SDK1: variants seen among roughly 807,000 people sequenced by gnomAD.
The protein encoded by SDK1 is protein sidekick-1.
SDK1 carries 157 observed loss-of-function variants against 245.5 expected under a neutral mutation model. That is an observed-to-expected ratio of 0.64 (90% CI 0.56 to 0.73). The LOEUF (loss-of-function observed/expected upper bound fraction) is 0.73. SDK1 is among the 30% of genes least tolerant of loss of function. The pLI, the probability that SDK1 is intolerant of heterozygous loss-of-function variation, is 0.00. For missense variants in SDK1, 3,583 were observed against 3,002.3 expected (o/e 1.19, Z -4.52); for synonymous variants, 1,647 against 1,278.5 (o/e 1.29, Z -6.15).
intron 14 of SDK1, among the ~76,000 whole-genome samples, chr7:4,000,747 C>A (rs572293397): frequency 4.6e-5 from 7 of 152,350 alleles, no homozygotes; most frequent in Non-Finnish European, 1.5e-5. Flanking sequence ...GTCTTTGAAA[C>A]ACACCTCACA....
chr7:3,958,114 T>C (rs994126441), intron 7 of SDK1: 6 of 413,358 alleles, frequency 1.5e-5, no homozygotes, highest in African/African-American at 6.3e-5. Flanking sequence ...AACACAATTA[T>C]AATGAAAGTA....
In SDK1 at chr7:4,076,204, T is replaced by C. The variant is rs77477578; in HGVS notation, c.3011-794T>C. 3.3e-3 allele frequency among the ~76,000 whole-genome samples: 507 copies of C among 152,324 alleles called. 3 individuals are homozygous for C. Among genetic ancestry groups the C allele is most frequent in the South Asian group, 0.031 (148 of 4,828 alleles). On this transcript the variant is annotated intron_variant, in intron 20 of 44. Coordinates refer to ENST00000404826, the MANE Select transcript of SDK1 (RefSeq NM_152744.4). Reference sequence around the variant, plus strand: ...GAAGGAAAAAGTAGAAGTGTTTCCATGAATTAGTTGCAACCGAAGAGCAAG... The same window carrying C: ...GAAGGAAAAAGTAGAAGTGTTTCCACGAATTAGTTGCAACCGAAGAGCAAG...
chr7:4,013,118 C>A (rs1361295308), intron 16 of SDK1, among the ~76,000 whole-genome samples: 13 of 152,186 alleles, frequency 8.5e-5, no homozygotes, highest in South Asian at 2.1e-4. Context: ...CTAACACACA[C>A]TTCTGCAGGC....
chr7:4,218,388 G>A (rs1262819490), intron 38 of SDK1, among the ~76,000 whole-genome samples: 7 of 150,518 alleles, frequency 4.7e-5, no homozygotes, highest in African/African-American at 1.5e-4. Context: ...GCGAGACTCC[G>A]TCTCAAAAAA....
rs139548387 is a variant in SDK1 at position 4,266,154 on chromosome 7, G to A, written c.*770G>A. ...CACCACGCTGGCCCTCTCCTTCCCC[G>A]AACACAGCACACGGTCAACTCCGCG... On this transcript the variant is annotated 3_prime_UTR_variant, in exon 45 of 45. Coordinates refer to ENST00000404826, the MANE Select transcript of SDK1 (RefSeq NM_152744.4). 19,557 of 985,458 alleles carry A rather than the reference G, an allele frequency of 0.02. 328 individuals carry two copies. Among genetic ancestry groups the A allele is most frequent in the South Asian group, 0.11 (2,304 of 21,282 alleles). 61.0% of individuals were successfully genotyped at this position (985,458 alleles called of 1,614,324 possible). A position where few individuals can be genotyped will look rare whatever the true frequency, so the allele number is the denominator to read the frequency against.
chr7:3,366,226 T>A (rs981822449), intron 1 of SDK1, among the ~76,000 whole-genome samples: 1 of 152,208 alleles, frequency 6.6e-6, no homozygotes, highest in African/African-American at 2.4e-5. Context: ...TTCTCTGTTT[T>A]CATTCTTCCC....
At chr7:4,119,533 T>C (rs2128193803) in intron 25 of SDK1, among the ~76,000 whole-genome samples, 1 of 148,794 alleles carries the variant, frequency 6.7e-6, no homozygotes, top group South Asian at 2.2e-4. Context: ...GTGTGTAATA[T>C]CTTCTTACCC....
At chr7:4,048,606 C>A (rs1789201850) in intron 17 of SDK1, among the ~76,000 whole-genome samples, 2 of 152,208 alleles carry the variant, frequency 1.3e-5, no homozygotes, top group South Asian at 2.1e-4. Context: ...CCCTCACAGG[C>A]CACCCTTCCT....
At chr7:3,613,881 C>G (rs981018107) in intron 1 of SDK1, among the ~76,000 whole-genome samples, 5 of 152,116 alleles carry the variant, frequency 3.3e-5, no homozygotes. Context: ...AACAGAAAAC[C>G]AAATACCACA....
intron 4 of SDK1, among the ~76,000 whole-genome samples, chr7:3,725,999 A>C (rs1334351544): frequency 6.6e-6 from 1 of 152,234 alleles, no homozygotes; most frequent in Non-Finnish European, 1.5e-5. Flanking sequence ...GACACTATTA[A>C]AATTCTTTAG....
intron 1 of SDK1, among the ~76,000 whole-genome samples, chr7:3,376,255 T>G (rs1405930774): frequency 6.6e-6 from 1 of 152,168 alleles, no homozygotes; most frequent in Admixed American, 6.5e-5. Flanking sequence ...ATGGAACCGT[T>G]AATTTATTAT....
chr7:3,512,870 C>T (rs1256720395), intron 1 of SDK1, among the ~76,000 whole-genome samples: 1 of 151,896 alleles, frequency 6.6e-6, no homozygotes, highest in Non-Finnish European at 1.5e-5. Flanking sequence ...TGCATTATGT[C>T]ATTGTAACAG....
At chr7:4,055,730 GTTGAAGACCTTTCC>G (rs1414134893) in intron 19 of SDK1, among the ~76,000 whole-genome samples, 3 of 151,878 alleles carry the variant, frequency 2.0e-5, no homozygotes, top group Non-Finnish European at 4.4e-5. Flanking sequence ...TTGGTTATTG[GTTGAAGACCTTTCC>G]TTGTTTCCAG....
intron 1 of SDK1, among the ~76,000 whole-genome samples, chr7:3,465,594 C>G (rs1260242775): frequency 1.3e-5 from 2 of 152,066 alleles, no homozygotes; most frequent in African/African-American, 4.8e-5. Context: ...TGGGTGGGAT[C>G]AAGTCCCCTG....
At chr7:3,430,936 T>C (rs1304325788) in intron 1 of SDK1, among the ~76,000 whole-genome samples, 1 of 152,242 alleles carries the variant, frequency 6.6e-6, no homozygotes, top group Non-Finnish European at 1.5e-5. Context: ...AATCTCGCTC[T>C]GTTGCTCAGG....
chr7:4,191,025 C>T (rs1035314370), intron 35 of SDK1, among the ~76,000 whole-genome samples: 1 of 152,196 alleles, frequency 6.6e-6, no homozygotes, highest in Admixed American at 6.5e-5. Flanking sequence ...GCTGGGGTGA[C>T]CCTTGTGAAA....
chr7:3,789,291 G>A (rs538438099), intron 4 of SDK1, among the ~76,000 whole-genome samples: 9 of 152,104 alleles, frequency 5.9e-5, no homozygotes, highest in Non-Finnish European at 1.0e-4. Flanking sequence ...GGGATTCCAG[G>A]CATGCGCCAC....
chr7:3,486,397 G>T (rs1055074585), intron 1 of SDK1, among the ~76,000 whole-genome samples: 1 of 151,664 alleles, frequency 6.6e-6, no homozygotes, highest in African/African-American at 2.4e-5. Flanking sequence ...TTTTTGTTTG[G>T]TTTTCTAATT....
At chr7:3,336,180 A>C (rs1042108043) in intron 1 of SDK1, among the ~76,000 whole-genome samples, 49 of 152,206 alleles carry the variant, frequency 3.2e-4, no homozygotes, top group Non-Finnish European at 4.6e-4. Flanking sequence ...TAAACCAAGG[A>C]AACTGCCCTC....
Sources: gnomAD v4.1 joint callset for allele counts (sites outside exome capture counted in the v4.1 genomes callset) on GRCh38, gnomAD v4.1.1 for gene constraint, MANE v1.5 for transcripts, NCBI Gene and HGNC (gene_info 2026-07-23, HGNC 2026-07-21) for gene names.